Variants in MAPK10 observed in about 807,000 individuals in gnomAD.
The protein encoded by MAPK10 is JNK3 alpha protein kinase.
Under a neutral mutation model 59.3 loss-of-function variants are expected in MAPK10, and 25 were observed. That is an observed-to-expected ratio of 0.42 (90% CI 0.31 to 0.59). The LOEUF is 0.59. Ranked by LOEUF, MAPK10 falls within the 20% of genes least tolerant of loss-of-function variation. MAPK10 has a pLI of 0.15. For missense variants in MAPK10, 351 were observed against 568.9 expected, an observed-to-expected ratio of 0.62 and a Z score of 3.90; for synonymous variants, 190 against 200.5, an observed-to-expected ratio of 0.95 and a Z score of 0.44.
rs191070885 is a variant in MAPK10 at position 86,410,929 on chromosome 4, T to C, written c.-122+42101A>G. ...GCTCTGCTCTGATCTTAGTTATTTC[T>C]TGCCTTCTGCTAGCTTTTCAATGCG... On this transcript the variant is annotated intron_variant, in intron 1 of 13. Coordinates refer to the MAPK10 transcript ENST00000361569. Among the ~76,000 whole-genome samples, 9 of 152,340 alleles carry C rather than the reference T, an allele frequency of 5.9e-5. No individual in the cohort carries two copies. The East Asian group carries it at 1.7e-3, about 29-fold the overall frequency.
At chr4:86,264,856 G>A (rs553513356) in intron 2 of MAPK10, among the ~76,000 whole-genome samples, 13 of 136,368 alleles carry the variant, frequency 9.5e-5, no homozygotes, top group Admixed American at 6.5e-4. Flanking sequence ...GCTAAATTAT[G>A]TCCCCTTCTC....
intron 2 of MAPK10, among the ~76,000 whole-genome samples, chr4:86,239,737 CTCTT>C (rs1028604027): frequency 6.7e-6 from 1 of 149,704 alleles, no homozygotes; most frequent in African/African-American, 2.5e-5. Context: ...ATTTTTCTCT[CTCTT>C]CTTCTTTATT....
rs376732115 is a variant in MAPK10, at chr4:86,444,465, CAT to C, written c.-122+8563_-122+8564del. The stretch of plus-strand genomic sequence containing the variant: ...ATGTAAAACCCAAAGCTAGAAAAAA[CAT>C]AGAAGAAAATGTAGGCAATGTCATT... On this transcript the variant is annotated intron_variant, in intron 1 of 13. Transcript: ENST00000361569. Among the ~76,000 whole-genome samples, 899 of 152,062 alleles carry C rather than the reference CAT, an allele frequency of 5.9e-3. 7 individuals carry two copies. The highest frequency in any genetic ancestry group is 0.019 in the African/African-American group (803 of 41,506).
intron 1 of MAPK10, chr4:86,370,626 A>G (rs899024006): frequency 6.6e-6 from 1 of 150,930 alleles, no homozygotes; most frequent in Non-Finnish European, 1.5e-5. Flanking sequence ...ACGTGAAACA[A>G]AAAAAAAATG....
At chr4:86,469,232 A>G (rs1752464281) in intron 1 of MAPK10, among the ~76,000 whole-genome samples, 1 of 152,156 alleles carries the variant, frequency 6.6e-6, no homozygotes, top group Non-Finnish European at 1.5e-5. Context: ...TGGGTGACAA[A>G]GCAAGTTTTT....
chr4:86,118,991 A>G (rs1453899448), intron 4 of MAPK10, among the ~76,000 whole-genome samples: 1 of 152,194 alleles, frequency 6.6e-6, no homozygotes, highest in Non-Finnish European at 1.5e-5. Context: ...TTCAGATTTC[A>G]GCCCAAATAT....
chr4:86,326,868 C>G (rs916860305), intron 2 of MAPK10: 5 of 152,180 alleles, frequency 3.3e-5, no homozygotes, highest in African/African-American at 1.2e-4. Flanking sequence ...TATTTAACAA[C>G]CTTGTTCCTT....
chr4:86,194,275 T>C (rs566194760), intron 3 of MAPK10, 61 bp downstream of exon 3: 6 of 1,241,586 alleles, frequency 4.8e-6, no homozygotes, highest in South Asian at 3.7e-5. Flanking sequence ...GCAAATGGTA[T>C]GTCAAAGTGG....
chr4:86,330,654 T>C (rs1453684871), intron 2 of MAPK10, among the ~76,000 whole-genome samples: 1 of 152,152 alleles, frequency 6.6e-6, no homozygotes, highest in East Asian at 1.9e-4. Flanking sequence ...TGCTTCCCCT[T>C]CTGCCACGAT....
intron 4 of MAPK10, among the ~76,000 whole-genome samples, chr4:86,140,698 T>C (rs927295492): frequency 1.3e-5 from 2 of 151,172 alleles, no homozygotes; most frequent in Non-Finnish European, 3.0e-5. Flanking sequence ...AAAAAAAAAA[T>C]TAAAGGAAAT....
intron 2 of MAPK10, among the ~76,000 whole-genome samples, chr4:86,340,033 C>A (rs974609353): frequency 6.6e-6 from 1 of 152,148 alleles, no homozygotes; most frequent in African/African-American, 2.4e-5. Flanking sequence ...CCAATCTACT[C>A]CAGAATCAAG....
intron 5 of MAPK10, among the ~76,000 whole-genome samples, 159 bp from the exon 6 acceptor site, chr4:86,103,403 A>G (rs2055919787): frequency 6.6e-6 from 1 of 152,134 alleles, no homozygotes; most frequent in Non-Finnish European, 1.5e-5. Context: ...GGACACAGAA[A>G]AGTATGCTCA....
intron 2 of MAPK10, among the ~76,000 whole-genome samples, chr4:86,221,522 G>C (rs1449431666): frequency 1.3e-5 from 2 of 151,588 alleles, no homozygotes; most frequent in Non-Finnish European, 2.9e-5. Context: ...CTGTCTCCCT[G>C]GCTGCCCAGG....
At chr4:86,527,181 G>T (rs150241584) in intron 1 of MAPK10, among the ~76,000 whole-genome samples, 173 of 151,730 alleles carry the variant, frequency 1.1e-3, no homozygotes, top group Non-Finnish European at 6.3e-4. Context: ...AGGCATTGTG[G>T]CACAACTGTG....
chr4:86,064,029 T>C (rs891860145), intron 11 of MAPK10, among the ~76,000 whole-genome samples: 3 of 152,202 alleles, frequency 2.0e-5, no homozygotes, highest in African/African-American at 7.2e-5. Flanking sequence ...TGGTAGTGTA[T>C]CATGGACATC....
At chr4:86,204,912 AT>A (rs961222883) in intron 2 of MAPK10, among the ~76,000 whole-genome samples, 2 of 152,058 alleles carry the variant, frequency 1.3e-5, no homozygotes, top group African/African-American at 4.8e-5. Flanking sequence ...TTATAAAAAA[AT>A]GTTCTTTCCA....
intron 2 of MAPK10, among the ~76,000 whole-genome samples, chr4:86,224,740 A>G (rs1477515279): frequency 6.6e-5 from 10 of 152,326 alleles, no homozygotes; most frequent in Admixed American, 5.9e-4. Flanking sequence ...TAATCTATGC[A>G]CAAGATTTGA....
At chr4:86,228,667 GT>G (rs1202816158) in intron 2 of MAPK10, among the ~76,000 whole-genome samples, 2 of 152,110 alleles carry the variant, frequency 1.3e-5, no homozygotes, top group African/African-American at 4.8e-5. Flanking sequence ...TTATTTCTAA[GT>G]CTTAATTATA....
chr4:86,382,634 C>T (rs981329858), intron 1 of MAPK10, among the ~76,000 whole-genome samples: 2 of 152,184 alleles, frequency 1.3e-5, no homozygotes, highest in Non-Finnish European at 2.9e-5. Context: ...AATGTATTCA[C>T]TTGCAGCAAC....
Sources: allele counts gnomAD v4.1 joint callset (sites outside exome capture counted in the v4.1 genomes callset), GRCh38; gene constraint gnomAD v4.1.1; transcripts MANE v1.5; gene names NCBI Gene and HGNC (gene_info 2026-07-23, HGNC 2026-07-21).